The following HS1BP3 variants were observed in gnomAD, a reference collection of about 807,000 sequenced individuals.
HS1BP3 encodes the protein HCLS1-binding protein 3.
Under a neutral mutation model 33.5 loss-of-function variants are expected in HS1BP3, and 32 were observed. That is an observed-to-expected ratio of 0.95 (90% CI 0.72 to 1.28). The LOEUF (loss-of-function observed/expected upper bound fraction) is 1.28. HS1BP3 is among the 50% of genes most tolerant of loss of function. The pLI is 0.00. For missense variants in HS1BP3, 486 were observed against 502.3 expected, an observed-to-expected ratio of 0.97 and a Z score of 0.31; for synonymous variants, 187 against 209.2, an observed-to-expected ratio of 0.89 and a Z score of 0.92.
At chr2:20,585,810 T>G (rs1406392355) in intron 5 of HS1BP3, among the ~76,000 whole-genome samples, 1 of 152,220 alleles carries the variant, frequency 6.6e-6, no homozygotes, top group Non-Finnish European at 1.5e-5. Context: ...AGCCCCGTCA[T>G]GGGATGAATA....
downstream of HS1BP3, among the ~76,000 whole-genome samples, chr2:20,589,415 C>G (rs561455149): frequency 6.6e-6 from 1 of 152,336 alleles, no homozygotes; most frequent in East Asian, 1.9e-4. Context: ...TTTCCTGGGG[C>G]TCTTCACATG....
At chr2:20,629,945 C>T (rs919493757) in intron 4 of HS1BP3, among the ~76,000 whole-genome samples, 5 of 152,244 alleles carry the variant, frequency 3.3e-5, no homozygotes, top group African/African-American at 1.2e-4. Context: ...CCACTCTGGC[C>T]ACCCAGGGGG....
At chr2:20,639,818 C>G (rs140139677) in intron 3 of HS1BP3, among the ~76,000 whole-genome samples, 2 of 152,228 alleles carry the variant, frequency 1.3e-5, no homozygotes, top group Non-Finnish European at 2.9e-5. Context: ...CTGAGCATCT[C>G]TTCCAGCGAT....
At chr2:20,584,059 TTTC>T (rs925339874) in intron 5 of HS1BP3, among the ~76,000 whole-genome samples, 18 of 152,318 alleles carry the variant, frequency 1.2e-4, no homozygotes, top group Non-Finnish European at 2.1e-4. Context: ...AGATGTGGGA[TTTC>T]TTCTGCGATT....
chr2:20,600,760 G>A lies in HS1BP3; in HGVS notation c.179-2495C>T, dbSNP rs554503016. Among the ~76,000 whole-genome samples, 4 of 152,136 alleles carry A rather than the reference G, an allele frequency of 2.6e-5. No individual in the cohort carries two copies. The East Asian group carries it at 7.7e-4, about 29-fold the overall frequency. The stretch of plus-strand genomic sequence containing the variant: ...AAGAAAAATCTTTTAAAATGTGAGT[G>A]GTTATCTTTGAAAAATGAGATTGTG... On this transcript the variant is annotated intron_variant, in intron 2 of 3. Coordinates refer to the HS1BP3 transcript ENST00000415264.
At chr2:20,563,326 C>G (rs2149269970) in intron 5 of HS1BP3, among the ~76,000 whole-genome samples, 1 of 152,334 alleles carries the variant, frequency 6.6e-6, no homozygotes, top group South Asian at 2.1e-4. Context: ...GGCCACAGGC[C>G]CTTGGTTCCC....
chr2:20,612,126 G>T (rs941895562), intron 2 of HS1BP3, among the ~76,000 whole-genome samples: 1 of 152,148 alleles, frequency 6.6e-6, no homozygotes, highest in East Asian at 1.9e-4. Context: ...TAATGAGGCA[G>T]GTAAAATTAT....
chr2:20,581,524 A>G (rs1693532182), intron 5 of HS1BP3, among the ~76,000 whole-genome samples: 1 of 151,942 alleles, frequency 6.6e-6, no homozygotes, highest in Non-Finnish European at 1.5e-5. Flanking sequence ...TAATTTTTGT[A>G]TTTTTAGTTG....
At chr2:20,600,525 C>A (rs1694049630) in intron 2 of HS1BP3, among the ~76,000 whole-genome samples, 1 of 152,208 alleles carries the variant, frequency 6.6e-6, no homozygotes, top group African/African-American at 2.4e-5. Flanking sequence ...GCAGAAAAAT[C>A]TGAAATAACG....
At chr2:20,637,027 T>TGGCGGG (rs1553322957) in intron 4 of HS1BP3, 1 of 85,270 alleles carries the variant, frequency 1.2e-5, no homozygotes. Flanking sequence ...GGGAGGGGGC[T>TGGCGGG]GCCCCCGCCC....
intron 6 of HS1BP3, 117 bp from the exon 7 acceptor site, chr2:20,619,362 G>C: frequency 1.1e-6 from 1 of 915,478 alleles, no homozygotes; most frequent in Non-Finnish European, 1.6e-6. Context: ...GCCCAGCCTC[G>C]GCCAGGTCAA....
At chr2:20,575,766 C>G (rs868866569) in intron 5 of HS1BP3, among the ~76,000 whole-genome samples, 4 of 140,962 alleles carry the variant, frequency 2.8e-5, no homozygotes, top group Admixed American at 1.4e-4. Context: ...TTCCACCCCC[C>G]CCCCCCCCTT....
At chr2:20,638,210 A>C in intron 4 of HS1BP3, 1 of 595,680 alleles carries the variant, frequency 1.7e-6, no homozygotes, top group Admixed American at 3.1e-5. Context: ...CTGTGACCCG[A>C]GAAGGGAGGC....
chr2:20,574,165 C>T (rs952263317), intron 5 of HS1BP3, among the ~76,000 whole-genome samples: 1 of 152,162 alleles, frequency 6.6e-6, no homozygotes, highest in Non-Finnish European at 1.5e-5. Flanking sequence ...CACAGTGAGG[C>T]CATCTGCCAG....
intron 5 of HS1BP3, among the ~76,000 whole-genome samples, chr2:20,572,830 C>T (rs1334964745): frequency 1.3e-5 from 2 of 152,150 alleles, no homozygotes; most frequent in Non-Finnish European, 1.5e-5. Context: ...CAGGTGGCCC[C>T]TGCTCCAGGG....
At chr2:20,615,404 C>T (rs1466437596), downstream of HS1BP3, among the ~76,000 whole-genome samples, 1 of 152,254 alleles carries the variant, frequency 6.6e-6, no homozygotes, top group African/African-American at 2.4e-5. Context: ...GCCCCTCAGT[C>T]AGCTTCCCCA....
intron 5 of HS1BP3, among the ~76,000 whole-genome samples, chr2:20,583,779 A>T (rs1444628324): frequency 6.6e-6 from 1 of 152,008 alleles, no homozygotes; most frequent in Non-Finnish European, 1.5e-5. Flanking sequence ...TCATCATGAC[A>T]CCTGGGGCTC....
intron 6 of HS1BP3, among the ~76,000 whole-genome samples, chr2:20,620,027 G>T (rs1013383482): frequency 6.6e-6 from 1 of 152,144 alleles, no homozygotes; most frequent in African/African-American, 2.4e-5. Context: ...GCAGTGTTAC[G>T]GTCACTCAGG....
chr2:20,629,703 T>C (rs1248716507), intron 4 of HS1BP3, among the ~76,000 whole-genome samples: 1 of 152,216 alleles, frequency 6.6e-6, no homozygotes, highest in African/African-American at 2.4e-5. Flanking sequence ...GGCATGTTCT[T>C]GTTGCATGCA....
Sources: gnomAD v4.1 joint callset for allele counts (sites outside exome capture counted in the v4.1 genomes callset) on GRCh38, gnomAD v4.1.1 for gene constraint, MANE v1.5 for transcripts, NCBI Gene and HGNC (gene_info 2026-07-23, HGNC 2026-07-21) for gene names.